RELN: variants seen among roughly 807,000 people sequenced by gnomAD.
RELN encodes reelin.
A neutral mutation model predicts 427.6 loss-of-function variants in RELN; 108 were observed. The observed-to-expected ratio is 0.25, with a 90% CI of 0.22 to 0.30. The LOEUF is 0.30. Among genes scored for constraint, RELN ranks in the 10% least tolerant of loss-of-function variants. The pLI, the probability that RELN is intolerant of heterozygous loss-of-function variation, is 1.00. For missense variants in RELN, 3,715 were observed against 4,302.8 expected (o/e 0.86, Z 3.82); for synonymous variants, 1,524 against 1,513.4 (o/e 1.01, Z -0.16).
rs1199400517 is a variant in RELN at position 103,483,796 on chromosome 7, G to T, written c.10038C>A (p.Asn3346Lys). 1 of 1,614,086 alleles carries T rather than the reference G, an allele frequency of 6.2e-7. No individual in the cohort carries two copies. Among genetic ancestry groups the T allele is most frequent in the African/African-American group, 1.3e-5 (1 of 75,068 alleles). ...IGSMSQTDSCNSDLSGPHAVD... is the reference protein window; with the variant it reads ...IGSMSQTDSCKSDLSGPHAVD... ...CAGCGTGGGGGCCACTCAGGTCACT[G>T]TTGCAGCTGTCCGTCTGCGACATGC... Residue 3346 changes from asparagine to lysine, a missense_variant, in exon 62 of 65, where the codon AAC (asparagine) becomes AAA (lysine). Asn to Lys is a moderately conservative substitution (Grantham distance 94, BLOSUM62 0). This residue lies in a region of RELN where 195 missense variants were observed against 281.3 expected (regional missense o/e 0.69). Coordinates refer to ENST00000428762, the MANE Select transcript of RELN (RefSeq NM_005045.4).
At chr7:103,505,426 A>C (rs556156400) in intron 51 of RELN, among the ~76,000 whole-genome samples, 24 of 152,300 alleles carry the variant, frequency 1.6e-4, no homozygotes, top group Admixed American at 7.8e-4. Context: ...CTAGGCAAAC[A>C]GGGTCTGGAG....
intron 2 of RELN, among the ~76,000 whole-genome samples, chr7:103,899,095 A>T (rs1795025188): frequency 6.6e-6 from 1 of 152,158 alleles, no homozygotes; most frequent in African/African-American, 2.4e-5. Flanking sequence ...CGCAATAAAA[A>T]ATGATAAAGG....
At chr7:103,561,409 A>C in intron 36 of RELN, 123 bp downstream of exon 36, 1 of 870,736 alleles carries the variant, frequency 1.1e-6, no homozygotes, top group Non-Finnish European at 1.9e-6. Context: ...GCTAAAAGTC[A>C]ATAACTATGT....
In RELN at chr7:103,749,430, T is replaced by C. The variant is rs1790937167; in HGVS notation, c.652A>G (p.Ile218Val). Residue 218 changes from isoleucine to valine, a missense_variant, in exon 6 of 65, where the codon ATA (isoleucine) becomes GTA (valine). Physicochemically the swap from Ile to Val is conservative, Grantham distance 29. Around this residue, in one of 4 missense-constraint regions of RELN, gnomAD observed 2,208 missense variants for 2,361.7 expected, o/e 0.93. Coordinates refer to ENST00000428762, the MANE Select transcript of RELN (RefSeq NM_005045.4). ...AGGAATGTTCCTGTAACTTACCATATATTTGGATTTAATTGCAGTTGGTGG... is the reference window on the plus strand; with the variant it reads ...AGGAATGTTCCTGTAACTTACCATACATTTGGATTTAATTGCAGTTGGTGG... ...SYHQLQLNPNIWVECNNCETG... is the reference protein window; with the variant it reads ...SYHQLQLNPNVWVECNNCETG... 5.6e-6 allele frequency: 9 copies of C among 1,610,730 alleles called. No individual in the cohort carries two copies. Among genetic ancestry groups the C allele is most frequent in the African/African-American group, 1.3e-5 (1 of 74,846 alleles).
intron 34 of RELN, among the ~76,000 whole-genome samples, chr7:103,562,821 C>T (rs189717367): frequency 1.3e-5 from 2 of 152,320 alleles, no homozygotes; most frequent in Admixed American, 6.5e-5. Flanking sequence ...GGTTCCCCAA[C>T]ATATGCACTG....
chr7:103,984,070 T>C (rs1797047248), intron 1 of RELN, among the ~76,000 whole-genome samples: 1 of 152,122 alleles, frequency 6.6e-6, no homozygotes, highest in Admixed American at 6.6e-5. Context: ...AAAACAATTA[T>C]GGCTTAATAT....
chr7:103,475,464 A>G (rs1223239549), intron 64 of RELN, among the ~76,000 whole-genome samples: 2 of 152,222 alleles, frequency 1.3e-5, no homozygotes, highest in East Asian at 3.8e-4. Flanking sequence ...TATAACTATA[A>G]GGAATAATTG....
chr7:103,895,646 G>T (rs1391601412), intron 2 of RELN, among the ~76,000 whole-genome samples: 3 of 151,976 alleles, frequency 2.0e-5, no homozygotes, highest in Non-Finnish European at 4.4e-5. Context: ...TGCTTAAAAA[G>T]AAACTTTTAG....
chr7:103,801,074 G>C (rs1792451879), intron 3 of RELN, among the ~76,000 whole-genome samples: 1 of 152,132 alleles, frequency 6.6e-6, no homozygotes, highest in Non-Finnish European at 1.5e-5. Context: ...TAAAAAGTCA[G>C]GAAACAAGAG....
At chr7:103,592,099 G>C (rs1175358117) in intron 27 of RELN, among the ~76,000 whole-genome samples, 1 of 152,070 alleles carries the variant, frequency 6.6e-6, no homozygotes, top group African/African-American at 2.4e-5. Flanking sequence ...GGTAAACTGT[G>C]TGTCTCGGGA....
intron 1 of RELN, among the ~76,000 whole-genome samples, chr7:103,939,948 T>G (rs1339669998): frequency 6.6e-6 from 1 of 152,350 alleles, no homozygotes; most frequent in South Asian, 2.1e-4. Flanking sequence ...TTCTGCTTGT[T>G]GAACTGGATG....
At chr7:103,928,674 A>G (rs945180984) in intron 1 of RELN, among the ~76,000 whole-genome samples, 4 of 152,204 alleles carry the variant, frequency 2.6e-5, no homozygotes, top group African/African-American at 9.6e-5. Context: ...GTTTCCTCCT[A>G]GTGTAAATGT....
At position 103,989,394 on chromosome 7, in the gene RELN, G is replaced by C; in HGVS notation, c.-38C>G. The C allele has an allele frequency of 2.6e-6, 3 of 1,176,242 alleles. No individual in the cohort carries two copies. The highest frequency in any genetic ancestry group is 2.2e-6 in the Non-Finnish European group (2 of 915,744). The allele number at this position is 1,176,242 out of a possible 1,614,324, so 72.9% of individuals were successfully genotyped here. ...GCCGCCGCCGCCGCGCGCCCTACGC[G>C]CCGCTCGCTCATTCAGTTTTGGAGA... is the stretch of plus-strand genomic sequence containing the variant. On this transcript the variant is annotated 5_prime_UTR_variant, in exon 1 of 65. Coordinates refer to ENST00000428762, the MANE Select transcript of RELN (RefSeq NM_005045.4). This position sits in a 1 kb window ranked among gnomAD's most constrained non-coding sequence, Gnocchi z 4.9.
chr7:103,556,640 A>G (rs1429851958), intron 38 of RELN, among the ~76,000 whole-genome samples: 5 of 152,018 alleles, frequency 3.3e-5, no homozygotes, highest in Non-Finnish European at 7.4e-5. Context: ...ATGAGATCTG[A>G]TGGGTTTATC....
chr7:103,872,333 G>A (rs1036153138), intron 2 of RELN, among the ~76,000 whole-genome samples: 13 of 137,600 alleles, frequency 9.4e-5, no homozygotes, highest in Non-Finnish European at 1.6e-4. Flanking sequence ...TTGTTCTTGC[G>A]ATAGTTTACT....
At chr7:103,621,369 T>A (rs1832214620) in intron 20 of RELN, among the ~76,000 whole-genome samples, 1 of 152,252 alleles carries the variant, frequency 6.6e-6, no homozygotes, top group African/African-American at 2.4e-5. Flanking sequence ...AGACATTTAA[T>A]TAAAATATAT....
chr7:103,888,375 G>A (rs947677431), intron 2 of RELN, among the ~76,000 whole-genome samples: 10 of 152,052 alleles, frequency 6.6e-5, no homozygotes, highest in Non-Finnish European at 1.5e-4. Flanking sequence ...AACTTTATTA[G>A]CCTCTTCCCA....
rs79377093 is a variant in RELN at position 103,539,147 on chromosome 7, C to T, written c.7111G>A (p.Ala2371Thr). 9.8e-4 allele frequency: 1,584 copies of T among 1,614,214 alleles called. 27 individuals are homozygous for T. In the East Asian group the frequency reaches 0.031, roughly 31 times the overall value. ...TGTAGGAAGGAATCCTCATTCACGG[C>T]AACGTCTGTGCTGACCACGTAACGG... ...STRYVVSTDV[A>T]VNEDSFLQID... The change falls in exon 45 of 65, where the codon GCC (alanine) becomes ACC (threonine). Residue 2371 changes from alanine to threonine, a missense_variant. Physicochemically the swap from Ala to Thr is moderately conservative, Grantham distance 58. Coordinates refer to ENST00000428762, the MANE Select transcript of RELN (RefSeq NM_005045.4).
chr7:103,590,316 C>G (rs6952858), intron 27 of RELN, among the ~76,000 whole-genome samples: 15,784 of 152,092 alleles, frequency 0.1, 1,397 homozygotes, highest in East Asian at 0.24. Context: ...GTAATCCCAG[C>G]ACTTTGGGAG....
Sources: allele counts gnomAD v4.1 joint callset (sites outside exome capture counted in the v4.1 genomes callset), GRCh38; gene constraint gnomAD v4.1.1; regional missense constraint gnomAD v4.1.1; non-coding constraint Gnocchi (gnomAD v3.1); transcripts MANE v1.5; gene names NCBI Gene and HGNC (gene_info 2026-07-23, HGNC 2026-07-21).